FANCI: variants seen among roughly 807,000 people sequenced by gnomAD.
FANCI encodes the protein FA complementation group I.
Under a neutral mutation model 176.1 loss-of-function variants are expected in FANCI, and 156 were observed. The ratio of observed to expected loss-of-function variants is 0.89; its 90% CI spans 0.78 to 1.01. The LOEUF (loss-of-function observed/expected upper bound fraction) is 1.01, where lower values mean the gene tolerates loss of function less well. Among genes scored for constraint, FANCI ranks in the 50% least tolerant of loss-of-function variants. The pLI is 0.00. For synonymous variants in FANCI, 613 were observed against 541.7 expected, an observed-to-expected ratio of 1.13 and a Z score of -1.83; for missense variants, 1,678 against 1,534.1, an observed-to-expected ratio of 1.09 and a Z score of -1.57.
intron 2 of FANCI, among the ~76,000 whole-genome samples, chr15:89,250,442 G>C (rs1273008719): frequency 6.6e-6 from 1 of 151,252 alleles, no homozygotes; most frequent in African/African-American, 2.4e-5. Context: ...ACTATCGCAA[G>C]GACAAAAAAA....
At chr15:89,305,574 G>A in intron 30 of FANCI, 31 bp from the exon 31 acceptor site, 1 of 1,610,480 alleles carries the variant, frequency 6.2e-7, no homozygotes. Context: ...GCTGTGTGTA[G>A]TGAATCACAC....
At chr15:89,263,135 T>G (rs1431949406) in intron 6 of FANCI, among the ~76,000 whole-genome samples, 1 of 151,992 alleles carries the variant, frequency 6.6e-6, no homozygotes, top group Non-Finnish European at 1.5e-5. Flanking sequence ...ATTTTTAAAG[T>G]TGATAACTAC....
chr15:89,278,447 G>A (rs935161304), intron 13 of FANCI, among the ~76,000 whole-genome samples: 1 of 152,210 alleles, frequency 6.6e-6, no homozygotes, highest in Non-Finnish European at 1.5e-5. Flanking sequence ...TGTAGCAATA[G>A]TTTAATGTGA....
intron 31 of FANCI, 60 bp from the exon 32 acceptor site, chr15:89,305,947 C>G (rs963817932): frequency 1.3e-6 from 2 of 1,553,418 alleles, no homozygotes; most frequent in Admixed American, 1.7e-5. Flanking sequence ...TCTAAATCTC[C>G]TTTACTCTTA....
intron 37 of FANCI, 83 bp from the exon 38 acceptor site, chr15:89,316,305 TGAGAAGATA>T (rs2055253983): frequency 7.9e-7 from 1 of 1,273,136 alleles, no homozygotes; most frequent in African/African-American, 1.5e-5. Flanking sequence ...AAGGCTTTGA[TGAGAAGATA>T]GAGTCTTTTT....
At chr15:89,302,042 A>G (rs2151868003) in intron 27 of FANCI, among the ~76,000 whole-genome samples, 1 of 152,300 alleles carries the variant, frequency 6.6e-6, no homozygotes, top group African/African-American at 2.4e-5. Context: ...GAGAAGGACC[A>G]CTTGTTGGGG....
chr15:89,281,870 T>C (rs2053627195), intron 16 of FANCI, 35 bp downstream of exon 16: 2 of 1,573,386 alleles, frequency 1.3e-6, no homozygotes, highest in Non-Finnish European at 1.7e-6. Flanking sequence ...AGGAAGACGT[T>C]GTCTTCTAAT....
Position 89,305,704 on chromosome 15 carries a change from A to G in FANCI, c.3349+6A>G, listed in dbSNP as rs765741330. 14 of 1,613,644 alleles carry G rather than the reference A, an allele frequency of 8.7e-6. No individual in the cohort carries two copies. Among genetic ancestry groups the G allele is most frequent in the South Asian group, 2.2e-5 (2 of 91,080 alleles). ...GAGCCAAGAAACCTTATCAGGTAAG[A>G]TAAGTTCAACTGGGATTCCAGGAAT... On this transcript the variant is annotated splice_donor_region_variant and intron_variant, in intron 31 of 37. Coordinates refer to ENST00000310775, the MANE Select transcript of FANCI (RefSeq NM_001113378.2).
Position 89,273,431 on chromosome 15 carries a change from C to G in FANCI, c.937C>G (p.Leu313Val), listed in dbSNP as rs1372561523. The G allele has an allele frequency of 1.3e-6, 2 of 1,599,090 alleles. No homozygotes were observed. The highest frequency in any genetic ancestry group is 2.8e-5 in the African/African-American group (2 of 72,184). Residue 313 changes from leucine (L) to valine (V), a missense_variant, in exon 11 of 38, where the codon CTT (leucine) becomes GTT (valine). Physicochemically the swap from Leu to Val is conservative, Grantham distance 32. Coordinates refer to ENST00000310775, the MANE Select transcript of FANCI (RefSeq NM_001113378.2). ...CTTAAGTCCCTTCAGCATTGCTCTT[C>G]TTCTGTCTGTAACAAGAATACAAAG... is the stretch of plus-strand genomic sequence containing the variant. ...NNLSPFSIALLLSVTRIQRFQ... is the reference protein window; with the variant it reads ...NNLSPFSIALVLSVTRIQRFQ...
At chr15:89,254,634 C>T (rs1265474817) in intron 2 of FANCI, among the ~76,000 whole-genome samples, 1 of 152,130 alleles carries the variant, frequency 6.6e-6, no homozygotes, top group Non-Finnish European at 1.5e-5. Context: ...TGAGAACCCA[C>T]CTCTACAAAA....
At chr15:89,253,702 C>T (rs2052366105) in intron 2 of FANCI, among the ~76,000 whole-genome samples, 1 of 143,348 alleles carries the variant, frequency 7.0e-6, no homozygotes, top group Non-Finnish European at 1.5e-5. Context: ...TAAGCAGAGT[C>T]AAAAGACAAA....
intron 34 of FANCI, 91 bp from the exon 35 acceptor site, chr15:89,312,813 T>C (rs2055020302): frequency 1.1e-6 from 1 of 918,890 alleles, no homozygotes; most frequent in Admixed American, 2.6e-5. Flanking sequence ...CAAAGCTCTG[T>C]CTTAAAAAAA....
chr15:89,252,560 T>C (rs112416813), intron 2 of FANCI, among the ~76,000 whole-genome samples: 2,977 of 152,062 alleles, frequency 0.02, 104 homozygotes, highest in African/African-American at 0.065. Flanking sequence ...GCCAACATGG[T>C]GAAACCTCAA....
intron 10 of FANCI, among the ~76,000 whole-genome samples, chr15:89,270,979 T>G (rs16942921): frequency 0.014 from 2,156 of 152,302 alleles, 32 homozygotes; most frequent in African/African-American, 0.049. Context: ...CTGTTCACTC[T>G]TTTTTTAAAT....
chr15:89,256,404 ACTT>A (rs2052494682), intron 2 of FANCI, among the ~76,000 whole-genome samples: 1 of 152,218 alleles, frequency 6.6e-6, no homozygotes, highest in African/African-American at 2.4e-5. Context: ...GTAGTCAGAT[ACTT>A]CTTTATTATA....
At chr15:89,246,612 A>C (rs556588082) in intron 1 of FANCI, among the ~76,000 whole-genome samples, 2 of 152,116 alleles carry the variant, frequency 1.3e-5, no homozygotes, top group East Asian at 3.9e-4. Context: ...CTTCTCCATA[A>C]TGTATACAAC....
intron 25 of FANCI, 146 bp from the exon 26 acceptor site, chr15:89,300,154 G>A (rs553703700): frequency 3.0e-6 from 3 of 1,013,942 alleles, no homozygotes; most frequent in African/African-American, 3.2e-5. Context: ...GCTGGAAAAT[G>A]GAATATAGTA....
At position 89,258,685 on chromosome 15, in the gene FANCI, C is replaced by A. The variant is rs1052446106; in HGVS notation, c.85-19C>A. Reference sequence around the variant, plus strand: ...AAAAGACTGTTGCCAGAGACTTGTACCTTTTTCTTTCTTTGCAGTTGACTA... The same window carrying A: ...AAAAGACTGTTGCCAGAGACTTGTAACTTTTTCTTTCTTTGCAGTTGACTA... On this transcript the variant is annotated intron_variant, in intron 2 of 37. Coordinates refer to ENST00000310775, the MANE Select transcript of FANCI (RefSeq NM_001113378.2). 3 of 1,603,388 alleles carry A rather than the reference C, an allele frequency of 1.9e-6. No individual in the cohort carries two copies. Among genetic ancestry groups the A allele is most frequent in the East Asian group, 2.2e-5 (1 of 44,786 alleles).
Position 89,278,501 on chromosome 15 carries a change from G to A in FANCI, c.1294-186G>A, listed in dbSNP as rs1599857. Among the ~76,000 whole-genome samples, 45,651 of 152,054 alleles carry A rather than the reference G, an allele frequency of 0.3. 8,319 individuals are homozygous for A. The highest frequency in any genetic ancestry group is 0.39 in the Non-Finnish European group (26,449 of 67,964). ...TAAACATGGTATTTATCCTACTAAT[G>A]AATCATCTAAGCACAGAACAAGGGG... is the stretch of plus-strand genomic sequence containing the variant. On this transcript the variant is annotated intron_variant, in intron 13 of 37. Coordinates refer to ENST00000310775, the MANE Select transcript of FANCI (RefSeq NM_001113378.2).
Sources: gnomAD v4.1 joint callset for allele counts (sites outside exome capture counted in the v4.1 genomes callset) on GRCh38, gnomAD v4.1.1 for gene constraint, MANE v1.5 for transcripts, NCBI Gene and HGNC (gene_info 2026-07-23, HGNC 2026-07-21) for gene names.